The following AGBL1 variants were observed in gnomAD, a reference collection of about 807,000 sequenced individuals.
The protein encoded by AGBL1 is AGBL carboxypeptidase 1, also known as cytosolic carboxypeptidase 4.
AGBL1 carries 130 observed loss-of-function variants against 118.9 expected under a neutral mutation model. The ratio of observed to expected loss-of-function variants is 1.09; its 90% CI spans 0.95 to 1.26. The LOEUF is 1.26. AGBL1 is among the 50% of genes most tolerant of loss of function. The pLI is 0.00. For missense variants in AGBL1, 1,584 were observed against 1,298.1 expected (o/e 1.22, Z -3.38); for synonymous variants, 555 against 478.9 (o/e 1.16, Z -2.08).
intron 5 of AGBL1, among the ~76,000 whole-genome samples, chr15:86,216,291 G>A (rs1347933922): frequency 1.3e-5 from 2 of 151,756 alleles, no homozygotes; most frequent in African/African-American, 2.4e-5. Flanking sequence ...ACAATCTCCA[G>A]TATAATGTTA....
At chr15:86,458,424 A>G (rs1567001939) in intron 18 of AGBL1, among the ~76,000 whole-genome samples, 1 of 152,198 alleles carries the variant, frequency 6.6e-6, no homozygotes, top group Non-Finnish European at 1.5e-5. Context: ...ACCAAGTGAC[A>G]GATTTAATGT....
At chr15:86,573,811 C>G (rs187699831) in intron 21 of AGBL1, among the ~76,000 whole-genome samples, 1 of 152,292 alleles carries the variant, frequency 6.6e-6, no homozygotes, top group East Asian at 1.9e-4. Flanking sequence ...CAAAATGTTT[C>G]AAACTCCTCA....
chr15:86,692,475 C>T (rs1448305889), intron 22 of AGBL1, among the ~76,000 whole-genome samples: 1 of 152,074 alleles, frequency 6.6e-6, no homozygotes, highest in Admixed American at 6.5e-5. Context: ...AGAAGGACTA[C>T]CCACCAGGAA....
At chr15:86,595,714 A>G (rs1021887550) in intron 21 of AGBL1, among the ~76,000 whole-genome samples, 7 of 152,288 alleles carry the variant, frequency 4.6e-5, no homozygotes, top group Admixed American at 1.3e-4. Flanking sequence ...TGCAGTAGAA[A>G]AAGTTTAATT....
intron 17 of AGBL1, among the ~76,000 whole-genome samples, chr15:86,395,973 G>A (rs1471966198): frequency 6.6e-6 from 1 of 151,592 alleles, no homozygotes; most frequent in Non-Finnish European, 1.5e-5. Context: ...TTCTGTATGA[G>A]TAAGATCGTA....
chr15:86,148,216 C>T (rs1375330226), intron 3 of AGBL1, among the ~76,000 whole-genome samples: 1 of 152,210 alleles, frequency 6.6e-6, no homozygotes, highest in Non-Finnish European at 1.5e-5. Flanking sequence ...ATCAGAGCAT[C>T]TCTTCTCTTC....
intron 17 of AGBL1, among the ~76,000 whole-genome samples, chr15:86,324,347 C>T (rs2080151458): frequency 6.6e-6 from 1 of 152,082 alleles, no homozygotes; most frequent in African/African-American, 2.4e-5. Flanking sequence ...CAAATGATGC[C>T]AGCACTAAGG....
At position 86,201,544 on chromosome 15, in the gene AGBL1, G is replaced by A. The variant is rs7171400; in HGVS notation, c.489-23370G>A. 4.7e-3 allele frequency among the ~76,000 whole-genome samples: 711 copies of A among 152,282 alleles called. 8 individuals carry two copies. Among genetic ancestry groups the A allele is most frequent in the African/African-American group, 0.016 (680 of 41,550 alleles). ...AACACTGTGACTCAATGGGTTGACAGATCCTTTCCCTCTCAACACAGAGTC... is the reference window on the plus strand; with the variant it reads ...AACACTGTGACTCAATGGGTTGACAAATCCTTTCCCTCTCAACACAGAGTC... On this transcript the variant is annotated intron_variant, in intron 5 of 22. Coordinates refer to ENST00000614907, the MANE Select transcript of AGBL1 (RefSeq NM_001386094.1).
Position 86,974,565 on chromosome 15 carries a change from TTATA to T in AGBL1, c.3222-13416_3222-13413del, listed in dbSNP as rs929362615. Reference sequence around the variant, plus strand: ...AAATTATATAATTATATAATATAAATTATATATATTAAATATATAAAAATTATAT... The same window carrying T: ...AAATTATATAATTATATAATATAAATTATATTAAATATATAAAAATTATAT... On this transcript the variant is annotated intron_variant, in intron 23 of 24. Transcript: ENST00000441037. Among the ~76,000 whole-genome samples, 14 of 134,628 alleles carry T rather than the reference TTATA, an allele frequency of 1.0e-4. 1 individual carries two copies. Among genetic ancestry groups the T allele is most frequent in the Non-Finnish European group, 2.2e-4 (14 of 63,846 alleles). The allele number at this position is 134,628 out of a possible 152,430, so 88.3% of individuals were successfully genotyped here.
chr15:86,195,554 A>T (rs1567118028), intron 5 of AGBL1, among the ~76,000 whole-genome samples: 1 of 152,206 alleles, frequency 6.6e-6, no homozygotes, highest in Non-Finnish European at 1.5e-5. Context: ...GATATCTATT[A>T]CAGCTTCTTA....
rs1023162284 is a variant in AGBL1 at position 86,848,882 on chromosome 15, T to C, written c.3159-58205T>C. Among the ~76,000 whole-genome samples, 19 of 152,320 alleles carry C rather than the reference T, an allele frequency of 1.2e-4. 1 individual carries two copies. The highest frequency in any genetic ancestry group is 1.2e-3 in the Admixed American group (19 of 15,300). Reference sequence around the variant, plus strand: ...AATAGCCAATATTTCTCGAGTACTTTCCATGCTCCAGATACAATTTTAGGT... The same window carrying C: ...AATAGCCAATATTTCTCGAGTACTTCCCATGCTCCAGATACAATTTTAGGT... On this transcript the variant is annotated intron_variant, in intron 22 of 22. Transcript: ENST00000614907.
chr15:86,483,691 AAC>A (rs1346034774), intron 18 of AGBL1, among the ~76,000 whole-genome samples: 1 of 152,168 alleles, frequency 6.6e-6, no homozygotes, highest in Non-Finnish European at 1.5e-5. Context: ...TTGCCTGAGA[AAC>A]ACAATGGAAA....
intron 18 of AGBL1, among the ~76,000 whole-genome samples, chr15:86,472,774 C>T (rs544988490): frequency 4.9e-4 from 74 of 152,204 alleles, no homozygotes; most frequent in African/African-American, 1.8e-3. Flanking sequence ...CAAAAATTAG[C>T]CAGGTGTGAT....
At chr15:86,852,778 G>T (rs2079425375) in intron 22 of AGBL1, among the ~76,000 whole-genome samples, 1 of 152,130 alleles carries the variant, frequency 6.6e-6, no homozygotes, top group Non-Finnish European at 1.5e-5. Context: ...CTATGGAGTA[G>T]ATCCCTTATC....
chr15:86,759,235 T>C (rs887894388), intron 22 of AGBL1, among the ~76,000 whole-genome samples: 1 of 152,044 alleles, frequency 6.6e-6, no homozygotes, highest in African/African-American at 2.4e-5. Context: ...AGAAAGTAAA[T>C]GTTAACAGAG....
chr15:86,887,690 A>T (rs950337340), intron 22 of AGBL1, among the ~76,000 whole-genome samples: 2 of 152,160 alleles, frequency 1.3e-5, no homozygotes, highest in Admixed American at 6.6e-5. Context: ...ATTCCCTGAC[A>T]TTGTTCCATG....
intron 22 of AGBL1, among the ~76,000 whole-genome samples, chr15:86,817,040 G>T (rs8035514): frequency 0.017 from 2,597 of 151,986 alleles, 72 homozygotes; most frequent in African/African-American, 0.059. Flanking sequence ...AAGGCATGGC[G>T]CTTTGGGAAG....
chr15:86,840,350 T>A (rs1469572351), intron 22 of AGBL1, among the ~76,000 whole-genome samples: 1 of 152,200 alleles, frequency 6.6e-6, no homozygotes, highest in East Asian at 1.9e-4. Flanking sequence ...TTCTTATTGC[T>A]CCAAGATGAC....
At chr15:86,694,588 T>G (rs1402567161) in intron 22 of AGBL1, among the ~76,000 whole-genome samples, 1 of 152,064 alleles carries the variant, frequency 6.6e-6, no homozygotes, top group Non-Finnish European at 1.5e-5. Flanking sequence ...GCCATTTATT[T>G]CTTTCTCTTG....
Sources: allele counts gnomAD v4.1 joint callset (sites outside exome capture counted in the v4.1 genomes callset), GRCh38; gene constraint gnomAD v4.1.1; transcripts MANE v1.5; gene names NCBI Gene and HGNC (gene_info 2026-07-23, HGNC 2026-07-21).